DTNA: variants seen among roughly 807,000 people sequenced by gnomAD.
DTNA encodes the protein dystrophin-related protein 3.
DTNA carries 43 observed loss-of-function variants against 100.7 expected under a neutral mutation model. That is an observed-to-expected ratio of 0.43 (90% CI 0.33 to 0.55). The LOEUF is 0.55. DTNA is among the 20% of genes least tolerant of loss of function. The pLI, the probability that DTNA is intolerant of heterozygous loss-of-function variation, is 0.04. For synonymous variants in DTNA, 349 were observed against 347.9 expected, an observed-to-expected ratio of 1.00 and a Z score of -0.04; for missense variants, 798 against 953.9, an observed-to-expected ratio of 0.84 and a Z score of 2.15.
chr18:34,890,478 G>A lies in DTNA; in HGVS notation c.*2744G>A, dbSNP rs1431705487. 6 of 1,535,634 alleles carry A rather than the reference G, an allele frequency of 3.9e-6. No homozygotes were observed. In the African/African-American group the frequency reaches 8.2e-5, roughly 21 times the overall value. On this transcript the variant is annotated 3_prime_UTR_variant, in exon 23 of 23. Coordinates refer to ENST00000444659, the MANE Select transcript of DTNA (RefSeq NM_001386795.1). The stretch of plus-strand genomic sequence containing the variant: ...CAAGTTTCACTTGTCCTGTCCATTA[G>A]ATACAACTACATCTTGCGGGGGTTG...
chr18:34,815,078 A>G (rs906509641), intron 6 of DTNA, among the ~76,000 whole-genome samples: 2 of 152,092 alleles, frequency 1.3e-5, no homozygotes, highest in South Asian at 2.1e-4. Flanking sequence ...GGGCAACATA[A>G]TGAGACCCCA....
chr18:34,604,251 T>TC (rs1302981561), intron 1 of DTNA, among the ~76,000 whole-genome samples: 3 of 152,104 alleles, frequency 2.0e-5, no homozygotes, highest in African/African-American at 7.2e-5. Context: ...TTTCAGTTCC[T>TC]CTCCCATCAT....
chr18:34,642,272 C>T (rs1037355397), intron 1 of DTNA, among the ~76,000 whole-genome samples: 4 of 152,128 alleles, frequency 2.6e-5, no homozygotes, highest in African/African-American at 9.7e-5. Context: ...TGGGGTCCCC[C>T]CTTAAAGGTT....
chr18:34,787,079 T>C (rs1280022031), intron 3 of DTNA, among the ~76,000 whole-genome samples: 1 of 152,210 alleles, frequency 6.6e-6, no homozygotes, highest in East Asian at 1.9e-4. Flanking sequence ...TGTGTTTTGT[T>C]ACTACAAGTG....
intron 1 of DTNA, among the ~76,000 whole-genome samples, chr18:34,501,505 A>AT (rs1480367175): frequency 5.4e-4 from 82 of 152,060 alleles, no homozygotes; most frequent in Non-Finnish European, 9.8e-4. Flanking sequence ...TCCCTCTTCT[A>AT]TTTTCTGAAA....
At chr18:34,849,330 G>A (rs1267772330) in intron 14 of DTNA, among the ~76,000 whole-genome samples, 1 of 152,092 alleles carries the variant, frequency 6.6e-6, no homozygotes, top group African/African-American at 2.4e-5. Flanking sequence ...GGCAAAACAA[G>A]GTTTTTGGAA....
At chr18:34,562,157 A>G (rs1288579470) in intron 1 of DTNA, among the ~76,000 whole-genome samples, 2 of 152,220 alleles carry the variant, frequency 1.3e-5, no homozygotes, top group African/African-American at 4.8e-5. Flanking sequence ...ACTGTTTCTT[A>G]TAATAAAACC....
At chr18:34,860,578 G>A (rs1464250045) in intron 16 of DTNA, among the ~76,000 whole-genome samples, 3 of 152,200 alleles carry the variant, frequency 2.0e-5, no homozygotes, top group Non-Finnish European at 4.4e-5. Flanking sequence ...TTGCATGGAT[G>A]TTTCCGGAGG....
At chr18:34,784,952 G>A (rs1181591100) in intron 3 of DTNA, among the ~76,000 whole-genome samples, 1 of 115,280 alleles carries the variant, frequency 8.7e-6, no homozygotes, top group Non-Finnish European at 1.8e-5. Context: ...TTTTTTTTTT[G>A]AGATGGAGTC....
At position 34,563,719 on chromosome 18, in the gene DTNA, A is replaced by G. The variant is rs557553494; in HGVS notation, c.-2+70205A>G. On this transcript the variant is annotated intron_variant, in intron 1 of 19. Coordinates refer to the DTNA transcript ENST00000283365. ...ATTAAAATTGTATTATTCAAGGTGT[A>G]CAAAGTGATATTACTCTCCACTGAA... Among the ~76,000 whole-genome samples the G allele has an allele frequency of 2.1e-3, 313 of 152,336 alleles. 1 individual carries two copies. Among genetic ancestry groups the G allele is most frequent in the Non-Finnish European group, 3.8e-3 (258 of 68,040 alleles).
intron 1 of DTNA, among the ~76,000 whole-genome samples, chr18:34,657,013 A>G (rs754267895): frequency 6.6e-6 from 1 of 152,036 alleles, no homozygotes; most frequent in African/African-American, 2.4e-5. Flanking sequence ...AGTACCTGGG[A>G]CTACAGGTGT....
At chr18:34,671,531 G>A (rs2076756987) in intron 1 of DTNA, among the ~76,000 whole-genome samples, 2 of 152,174 alleles carry the variant, frequency 1.3e-5, no homozygotes, top group Non-Finnish European at 2.9e-5. Flanking sequence ...CCATCTTCAA[G>A]AATGATGTTT....
At chr18:34,716,946 G>GA (rs1263857226) in intron 1 of DTNA, among the ~76,000 whole-genome samples, 2 of 152,132 alleles carry the variant, frequency 1.3e-5, no homozygotes, top group Non-Finnish European at 2.9e-5. Context: ...GACTGTGAGA[G>GA]AAAATAACAA....
rs1407437711 is a variant in DTNA, at chr18:34,888,310, T to A, written c.*576T>A. The A allele has an allele frequency of 2.0e-6, 2 of 985,808 alleles. No homozygotes were observed. The highest frequency in any genetic ancestry group is 1.7e-5 in the African/African-American group (1 of 57,336). 61.1% of individuals were successfully genotyped at this position (985,808 alleles called of 1,614,324 possible). Reference sequence around the variant, plus strand: ...GAAAAAAACAACCACTTGCAATCATTCAATAACCCTGAAGAATTTGGTTCC... The same window carrying A: ...GAAAAAAACAACCACTTGCAATCATACAATAACCCTGAAGAATTTGGTTCC... On this transcript the variant is annotated 3_prime_UTR_variant, in exon 23 of 23. Coordinates refer to ENST00000444659, the MANE Select transcript of DTNA (RefSeq NM_001386795.1).
chr18:34,633,809 A>G (rs1440311677), intron 1 of DTNA, among the ~76,000 whole-genome samples: 2 of 152,234 alleles, frequency 1.3e-5, no homozygotes, highest in Non-Finnish European at 2.9e-5. Flanking sequence ...CAGCCTAAGG[A>G]AAAAGAGTAA....
intron 7 of DTNA, among the ~76,000 whole-genome samples, chr18:34,816,853 C>T (rs535607483): frequency 6.6e-6 from 1 of 152,206 alleles, no homozygotes; most frequent in African/African-American, 2.4e-5. Context: ...AGCATCTGCC[C>T]TTATTTATCT....
chr18:34,635,615 A>G (rs1481979456), intron 1 of DTNA, among the ~76,000 whole-genome samples: 1 of 152,206 alleles, frequency 6.6e-6, no homozygotes, highest in Non-Finnish European at 1.5e-5. Context: ...TTATAACATC[A>G]TGCATTGATC....
chr18:34,659,427 T>A (rs2074854311), intron 1 of DTNA, among the ~76,000 whole-genome samples: 1 of 152,142 alleles, frequency 6.6e-6, no homozygotes, highest in Non-Finnish European at 1.5e-5. Context: ...GCATTTCAAC[T>A]GCTCAATAGC....
intron 1 of DTNA, among the ~76,000 whole-genome samples, chr18:34,535,601 T>A (rs1007993211): frequency 1.2e-4 from 19 of 152,174 alleles, no homozygotes; most frequent in Non-Finnish European, 2.8e-4. Context: ...GCCTAGGTTT[T>A]CTTCTAGGGT....
Sources: allele counts gnomAD v4.1 joint callset (sites outside exome capture counted in the v4.1 genomes callset), GRCh38; gene constraint gnomAD v4.1.1; transcripts MANE v1.5; gene names NCBI Gene and HGNC (gene_info 2026-07-23, HGNC 2026-07-21).